The following KAZN variants were observed in gnomAD, a reference collection of about 807,000 sequenced individuals.
The protein encoded by KAZN is kazrin, periplakin interacting protein.
Under a neutral mutation model 87.4 loss-of-function variants are expected in KAZN, and 40 were observed. The observed-to-expected ratio is 0.46, with a 90% CI of 0.36 to 0.60. KAZN has a LOEUF of 0.60. KAZN is among the 20% of genes least tolerant of loss of function. KAZN has a pLI of 0.00. For synonymous variants in KAZN, 466 were observed against 458.3 expected (o/e 1.02, Z -0.22); for missense variants, 898 against 1,073.9 (o/e 0.84, Z 2.29).
At chr1:14,268,359 A>G (rs10928059) in intron 2 of KAZN, among the ~76,000 whole-genome samples, 34,419 of 152,178 alleles carry the variant, frequency 0.23, 4,624 homozygotes, top group Middle Eastern at 0.4. Flanking sequence ...AATAGATTGA[A>G]GTTAATAAGG....
intron 10 of KAZN, among the ~76,000 whole-genome samples, chr1:15,097,813 C>A (rs1383518073): frequency 6.6e-6 from 1 of 152,070 alleles, no homozygotes; most frequent in Non-Finnish European, 1.5e-5. Flanking sequence ...AATGAAACTC[C>A]GTCTGAAAAA....
chr1:15,094,891 G>A lies in KAZN; in HGVS notation c.1505G>A (p.Arg502His), dbSNP rs1357860418. The A allele has an allele frequency of 1.3e-6, 2 of 1,550,586 alleles. No homozygotes were observed. The highest frequency in any genetic ancestry group is 1.7e-6 in the Non-Finnish European group (2 of 1,146,786). Residue 502 changes from arginine to histidine, a missense_variant, in exon 10 of 15, where the codon CGC becomes CAC. Around this residue, in one of 3 missense-constraint regions of KAZN, gnomAD observed 521 missense variants for 689.4 expected, o/e 0.76. Transcript: ENST00000376030. The surrounding 1 kb of genome is among the most constrained non-coding windows in gnomAD (Gnocchi z 4.5). ...AGCTCCCTGCACCGGCGCAAGCTGC[G>A]CCTGGCCATCGAGGACTACCGTGAT... ...VCSSLHRRKLRLAIEDYRDAE... is the reference protein window; with the variant it reads ...VCSSLHRRKLHLAIEDYRDAE...
intron 1 of KAZN, among the ~76,000 whole-genome samples, chr1:14,148,708 G>A (rs1460266383): frequency 5.9e-5 from 9 of 152,288 alleles, no homozygotes; most frequent in South Asian, 2.1e-4. Flanking sequence ...GAGTTGATGC[G>A]AAAGCAGATG....
intron 2 of KAZN, among the ~76,000 whole-genome samples, chr1:14,360,188 TTTA>T (rs1387286665): frequency 6.6e-6 from 1 of 152,214 alleles, no homozygotes; most frequent in Non-Finnish European, 1.5e-5. Flanking sequence ...TTTCATTAAG[TTTA>T]TTTTCAATCT....
At chr1:14,751,624 G>A (rs12070445) in intron 1 of KAZN, among the ~76,000 whole-genome samples, 3,430 of 152,204 alleles carry the variant, frequency 0.023, 153 homozygotes, top group African/African-American at 0.079. Context: ...CTTGAATCAG[G>A]CATCCTGGCA....
At chr1:14,314,025 TC>T (rs1367636798) in intron 2 of KAZN, among the ~76,000 whole-genome samples, 1 of 152,132 alleles carries the variant, frequency 6.6e-6, no homozygotes, top group Non-Finnish European at 1.5e-5. Context: ...GGGAAGTTAG[TC>T]CCAGAAAAAG....
intron 2 of KAZN, among the ~76,000 whole-genome samples, chr1:14,444,038 C>A (rs1348147394): frequency 1.3e-5 from 2 of 152,172 alleles, no homozygotes; most frequent in East Asian, 3.8e-4. Flanking sequence ...CCTGTACTAA[C>A]TGCAGAGTAT....
intron 2 of KAZN, among the ~76,000 whole-genome samples, chr1:14,218,700 TAAC>T (rs1043306999): frequency 1.3e-5 from 2 of 152,134 alleles, no homozygotes; most frequent in African/African-American, 2.4e-5. Flanking sequence ...TTGAAAATAA[TAAC>T]CACTTATTTT....
chr1:15,094,707 G>A lies in KAZN; in HGVS notation c.1429-108G>A, dbSNP rs1175394664. On this transcript the variant is annotated intron_variant, in intron 9 of 14. Coordinates refer to ENST00000376030, the MANE Select transcript of KAZN (RefSeq NM_201628.3). This position sits in a 1 kb window ranked among gnomAD's most constrained non-coding sequence, Gnocchi z 4.5. ...TGTGCCCTGACCCCACTGTATGAAA[G>A]GTGGGCAGGAGATGGGGAAGGAGCC... The A allele has an allele frequency of 9.2e-6, 7 of 764,620 alleles. No individual in the cohort carries two copies. Among genetic ancestry groups the A allele is most frequent in the South Asian group, 8.5e-5 (5 of 58,966 alleles). 47.4% of individuals were successfully genotyped at this position (764,620 alleles called of 1,614,324 possible).
intron 1 of KAZN, among the ~76,000 whole-genome samples, chr1:14,120,162 A>C (rs1017558315): frequency 5.9e-5 from 9 of 152,214 alleles, no homozygotes; most frequent in Non-Finnish European, 1.0e-4. Context: ...CAGGCTGTAC[A>C]GGAAGCATGA....
intron 2 of KAZN, among the ~76,000 whole-genome samples, chr1:14,567,215 C>T (rs1024087019): frequency 6.6e-6 from 1 of 152,012 alleles, no homozygotes; most frequent in Non-Finnish European, 1.5e-5. Flanking sequence ...ATTGCTGTGG[C>T]TCAGGGAATA....
At chr1:13,900,363 G>A (rs1639204999) in intron 1 of KAZN, among the ~76,000 whole-genome samples, 1 of 152,084 alleles carries the variant, frequency 6.6e-6, no homozygotes, top group Non-Finnish European at 1.5e-5. Flanking sequence ...TCAGCCCCAA[G>A]GTAAAGTATC....
At chr1:14,093,973 G>A (rs1308005904) in intron 1 of KAZN, among the ~76,000 whole-genome samples, 1 of 152,174 alleles carries the variant, frequency 6.6e-6, no homozygotes, top group Non-Finnish European at 1.5e-5. Context: ...TATGGGGTAG[G>A]ACCCTGCTGG....
chr1:14,918,156 C>T (rs1348827734), intron 1 of KAZN, among the ~76,000 whole-genome samples: 5 of 152,154 alleles, frequency 3.3e-5, no homozygotes, highest in African/African-American at 1.2e-4. Context: ...GGATTAAAGG[C>T]ATGAGCCACT....
chr1:14,667,885 C>T (rs914838074), intron 1 of KAZN, among the ~76,000 whole-genome samples: 1 of 152,050 alleles, frequency 6.6e-6, no homozygotes, highest in Non-Finnish European at 1.5e-5. Flanking sequence ...GATCAAATCG[C>T]TCCTTGAAGC....
rs1219582053 is a variant in KAZN, at chr1:15,021,721, CT to C, written c.419-13026del. Among the ~76,000 whole-genome samples, 18 of 152,322 alleles carry C rather than the reference CT, an allele frequency of 1.2e-4. No individual in the cohort carries two copies. The highest frequency in any genetic ancestry group is 4.1e-4 in the African/African-American group (17 of 41,580). On this transcript the variant is annotated intron_variant, in intron 2 of 14. Coordinates refer to ENST00000376030, the MANE Select transcript of KAZN (RefSeq NM_201628.3). This position sits in a 1 kb window ranked among gnomAD's most constrained non-coding sequence, Gnocchi z 4.2. ...GCCCCTGTGGCTCCCTGCAGTCCCT[CT>C]TATGACGGACACTCTGTCTGCAGGT...
At chr1:14,708,566 A>G (rs1262180764) in intron 1 of KAZN, among the ~76,000 whole-genome samples, 1 of 152,174 alleles carries the variant, frequency 6.6e-6, no homozygotes, top group Non-Finnish European at 1.5e-5. Context: ...GACATCAGAG[A>G]GTTTTCACAC....
At chr1:14,077,908 G>A (rs761709013) in intron 1 of KAZN, among the ~76,000 whole-genome samples, 7 of 152,288 alleles carry the variant, frequency 4.6e-5, no homozygotes, top group Admixed American at 2.0e-4. Context: ...AAGAGTTGCC[G>A]GCAGCCGCCT....
chr1:15,091,142 T>A (rs538759669), intron 8 of KAZN, among the ~76,000 whole-genome samples: 35 of 152,080 alleles, frequency 2.3e-4, no homozygotes, highest in Admixed American at 3.9e-4. Context: ...ACACACACAC[T>A]CGCACAATTA....
Sources: allele counts gnomAD v4.1 joint callset (sites outside exome capture counted in the v4.1 genomes callset), GRCh38; gene constraint gnomAD v4.1.1; regional missense constraint gnomAD v4.1.1; non-coding constraint Gnocchi (gnomAD v3.1); transcripts MANE v1.5; gene names NCBI Gene and HGNC (gene_info 2026-07-23, HGNC 2026-07-21).